Variants in AAK1 observed in about 807,000 individuals in gnomAD.
AAK1 encodes AP2 associated kinase 1.
A neutral mutation model predicts 116.0 loss-of-function variants in AAK1; 37 were observed. The observed-to-expected ratio is 0.32, with a 90% confidence interval of 0.25 to 0.42. The LOEUF is 0.42. Ranked by LOEUF, AAK1 falls within the 10% of genes least tolerant of loss-of-function variation. The pLI, the probability that AAK1 is intolerant of heterozygous loss-of-function variation, is 1.00. For missense variants in AAK1, 919 were observed against 1,170.6 expected, an observed-to-expected ratio of 0.79 and a Z score of 3.14; for synonymous variants, 458 against 439.9, an observed-to-expected ratio of 1.04 and a Z score of -0.51.
At position 69,470,284 on chromosome 2, in the gene AAK1, C is replaced by T. The variant is rs73934956; in HGVS notation, c.*5585G>A. The T allele has an allele frequency of 0.011, 11,076 of 985,310 alleles. 962 individuals carry two copies. The African/African-American group carries it at 0.18, about 16-fold the overall frequency. 61.0% of individuals were successfully genotyped at this position (985,310 alleles called of 1,614,324 possible). On this transcript the variant is annotated 3_prime_UTR_variant, in exon 22 of 22. Transcript: ENST00000409085. ...AGCCTTCTCACATATAGTTAGTAAA[C>T]AGAAAGCAAAATATCCCTTCACAAG...
In AAK1 at chr2:69,527,225, T is replaced by C; in HGVS notation, c.966A>G (p.Pro322=). The change falls in exon 9 of 22, where the codon CCA becomes CCG. Residue 322 remains proline, a synonymous_variant. Transcript: ENST00000409085. ...FKLLKKECPI[P]NVQNSPIPAK... ...AGCACCATTCACGTACCTGTACATT[T>C]GGAATTGGGCACTCTTTCTTGAGTA... 1 of 1,601,586 alleles carries C rather than the reference T, an allele frequency of 6.2e-7. No homozygotes were observed. The highest frequency in any genetic ancestry group is 1.1e-5 in the South Asian group (1 of 89,088).
chr2:69,468,774 A>C lies in AAK1; in HGVS notation c.*7095T>G. On this transcript the variant is annotated 3_prime_UTR_variant, in exon 22 of 22. Coordinates refer to ENST00000409085, the MANE Select transcript of AAK1 (RefSeq NM_014911.5). ...ACATTTTGAGAACTAGGAAGTACCAAGGGGTGTGTGTATGTGCCCATATTC... is the reference window on the plus strand; with the variant it reads ...ACATTTTGAGAACTAGGAAGTACCACGGGGTGTGTGTATGTGCCCATATTC... The C allele has an allele frequency of 1.0e-6, 1 of 985,466 alleles. No homozygotes were observed. The highest frequency in any genetic ancestry group is 1.2e-6 in the Non-Finnish European group (1 of 829,946). 61.0% of individuals were successfully genotyped at this position (985,466 alleles called of 1,614,324 possible).
Position 69,465,947 on chromosome 2 carries a change from G to A in AAK1, c.*9922C>T, listed in dbSNP as rs758706052. ...CAGGCAGCTCCTGGGAGGTGCATTG[G>A]ATAACTGTTAACTCCTCCATGCTTT... On this transcript the variant is annotated 3_prime_UTR_variant, in exon 22 of 22. Coordinates refer to ENST00000409085, the MANE Select transcript of AAK1 (RefSeq NM_014911.5). 3.3e-5 allele frequency: 42 copies of A among 1,290,732 alleles called. 2 individuals carry two copies. The South Asian group carries it at 3.9e-4, about 12-fold the overall frequency. The allele number at this position is 1,290,732 out of a possible 1,614,324, so 80.0% of individuals were successfully genotyped here. A position where few individuals can be genotyped will look rare whatever the true frequency, so the allele number is the denominator to read the frequency against.
chr2:69,489,386 G>A (rs1276511773), intron 17 of AAK1, among the ~76,000 whole-genome samples: 1 of 150,632 alleles, frequency 6.6e-6, no homozygotes, highest in Non-Finnish European at 1.5e-5. Flanking sequence ...AGGAGGCAGA[G>A]GTTGCAGCAA....
chr2:69,643,587 G>C lies in AAK1; in HGVS notation c.-247C>G. 8.1e-7 allele frequency: 1 copy of C among 1,228,544 alleles called. No individual in the cohort carries two copies. The highest frequency in any genetic ancestry group is 1.0e-6 in the Non-Finnish European group (1 of 986,174). The allele number at this position is 1,228,544 out of a possible 1,614,324, so 76.1% of individuals were successfully genotyped here. A position where few individuals can be genotyped will look rare whatever the true frequency, so the allele number is the denominator to read the frequency against. On this transcript the variant is annotated 5_prime_UTR_variant, in exon 1 of 22. Coordinates refer to ENST00000409085, the MANE Select transcript of AAK1 (RefSeq NM_014911.5). ...TGGCAGCACCCACTTGAGACGGCTC[G>C]GCGGCCGGCGCCCTGCTACCAGCCC...
At position 69,511,053 on chromosome 2, in the gene AAK1, C is replaced by A. The variant is rs567434452; in HGVS notation, c.1777-1593G>T. 1.7e-4 allele frequency among the ~76,000 whole-genome samples: 26 copies of A among 152,262 alleles called. 1 individual carries two copies. The South Asian group carries it at 5.0e-3, about 29-fold the overall frequency. ...AACAAAAAATGTTAAGAAAGCCACC[C>A]AACCCCTTTCCTTTACACTATCAAC... On this transcript the variant is annotated intron_variant, in intron 13 of 21. Transcript: ENST00000409085.
chr2:69,545,652 A>C (rs921458546), intron 3 of AAK1, among the ~76,000 whole-genome samples: 7 of 152,228 alleles, frequency 4.6e-5, no homozygotes, highest in African/African-American at 1.7e-4. Flanking sequence ...AACCCTGGGC[A>C]TCAAAGTTAA....
At chr2:69,518,128 A>G (rs567721406) in intron 12 of AAK1, among the ~76,000 whole-genome samples, 1 of 152,342 alleles carries the variant, frequency 6.6e-6, no homozygotes, top group African/African-American at 2.4e-5. Flanking sequence ...CCTCCAAAAA[A>G]ACAGATATAC....
intron 2 of AAK1, among the ~76,000 whole-genome samples, chr2:69,605,504 C>T (rs1261200969): frequency 1.3e-5 from 2 of 152,070 alleles, no homozygotes; most frequent in Non-Finnish European, 2.9e-5. Flanking sequence ...ATCCACGTAC[C>T]CTTCATCCAG....
At chr2:69,557,960 G>C (rs999973780) in intron 2 of AAK1, among the ~76,000 whole-genome samples, 9 of 152,188 alleles carry the variant, frequency 5.9e-5, no homozygotes, top group African/African-American at 1.9e-4. Context: ...ATTCCACATA[G>C]CATACACAAG....
intron 2 of AAK1, among the ~76,000 whole-genome samples, chr2:69,603,425 T>A (rs1673665455): frequency 1.3e-5 from 2 of 152,120 alleles, no homozygotes; most frequent in African/African-American, 4.8e-5. Flanking sequence ...AATTCCTCTG[T>A]TAGCTTGTGG....
At chr2:69,524,725 G>A (rs902711440) in intron 10 of AAK1, among the ~76,000 whole-genome samples, 9 of 152,098 alleles carry the variant, frequency 5.9e-5, no homozygotes, top group African/African-American at 1.9e-4. Flanking sequence ...GAAACACCAC[G>A]CCTGGCCGTA....
chr2:69,560,949 T>C (rs13034911), intron 2 of AAK1, among the ~76,000 whole-genome samples: 81,728 of 152,076 alleles, frequency 0.54, 23,740 homozygotes, highest in East Asian at 0.77. Flanking sequence ...GCTCATGTAA[T>C]GGGATGGCCA....
chr2:69,476,947 C>G lies in AAK1; in HGVS notation c.2724G>C (p.Glu908Asp). ...SNLISGFDVP[E>D]GSDKVAEDEF... ...CATCTTCAGCCACCTTGTCCGAGCC[C>G]TCAGGGACATCAAAACCTGAGATGA... Residue 908 changes from glutamate (E) to aspartate (D), a missense_variant, in exon 21 of 22, where the codon GAG becomes GAC. By Grantham distance (45) the Glu-to-Asp change is conservative. This residue lies in a region of AAK1 where 263 missense variants were observed against 285.5 expected (regional missense o/e 0.92). Coordinates refer to ENST00000409085, the MANE Select transcript of AAK1 (RefSeq NM_014911.5). The G allele has an allele frequency of 6.2e-7, 1 of 1,613,494 alleles. No homozygotes were observed. The highest frequency in any genetic ancestry group is 1.1e-5 in the South Asian group (1 of 90,980).
chr2:69,540,941 T>A (rs554385272), intron 5 of AAK1, among the ~76,000 whole-genome samples: 1 of 152,318 alleles, frequency 6.6e-6, no homozygotes, highest in South Asian at 2.1e-4. Flanking sequence ...GAAGTACTGA[T>A]ACATACTATA....
chr2:69,566,344 A>G (rs1671866861), intron 2 of AAK1, among the ~76,000 whole-genome samples: 1 of 152,116 alleles, frequency 6.6e-6, no homozygotes, highest in Admixed American at 6.5e-5. Flanking sequence ...TGTTTTTTTA[A>G]TGTCAATCTC....
intron 17 of AAK1, among the ~76,000 whole-genome samples, chr2:69,491,398 C>T (rs1419503429): frequency 6.6e-6 from 1 of 152,126 alleles, no homozygotes; most frequent in Non-Finnish European, 1.5e-5. Context: ...TGTAAGCATA[C>T]AAATGTTCAT....
chr2:69,532,209 T>C, intron 5 of AAK1, 47 bp from the exon 6 acceptor site: 3 of 1,603,928 alleles, frequency 1.9e-6, no homozygotes, highest in East Asian at 4.5e-5. Flanking sequence ...CATTTAGTAA[T>C]GCACGTGAAA....
chr2:69,497,598 C>A (rs1675800621), intron 16 of AAK1, among the ~76,000 whole-genome samples: 1 of 151,922 alleles, frequency 6.6e-6, no homozygotes, highest in Non-Finnish European at 1.5e-5. Context: ...CCGTGCCCAG[C>A]CATACATAAT....
Sources: allele counts gnomAD v4.1 joint callset (sites outside exome capture counted in the v4.1 genomes callset), GRCh38; gene constraint gnomAD v4.1.1; regional missense constraint gnomAD v4.1.1; transcripts MANE v1.5; gene names NCBI Gene and HGNC (gene_info 2026-07-23, HGNC 2026-07-21).